The following TYSND1 variants were observed in gnomAD, a reference collection of about 807,000 sequenced individuals.
TYSND1 encodes the protein peroxisomal leader peptide-processing protease.
In TYSND1, 30 loss-of-function variants were observed where a neutral mutation model predicts 37.2. The ratio of observed to expected loss-of-function variants is 0.81; its 90% confidence interval spans 0.60 to 1.09. The LOEUF (loss-of-function observed/expected upper bound fraction) is 1.09, where lower values mean the gene tolerates loss of function less well. Ranked by LOEUF, TYSND1 falls within the 50% of genes least tolerant of loss-of-function variation. TYSND1 has a pLI of 0.00. For synonymous variants in TYSND1, 364 were observed against 383.8 expected (o/e 0.95, Z 0.60); for missense variants, 806 against 817.4 (o/e 0.99, Z 0.17).
intron 3 of TYSND1, among the ~76,000 whole-genome samples, chr10:70,142,463 C>A (rs185411507): frequency 2.6e-5 from 4 of 152,308 alleles, no homozygotes; most frequent in African/African-American, 9.6e-5. Flanking sequence ...AGAGAAGGGA[C>A]CAGAGCCCAG....
Position 70,146,183 on chromosome 10 carries a change from A to G in TYSND1, c.404T>C (p.Leu135Pro). ...PLQPRLPAELLLLLSCPAFWA... is the reference protein window; with the variant it reads ...PLQPRLPAELPLLLSCPAFWA... ...GAAGGCCGGGCAGCTCAGCAGCAGCAGCAGCTCAGCAGGAAGCCGGGGCTG... is the reference window on the plus strand; with the variant it reads ...GAAGGCCGGGCAGCTCAGCAGCAGCGGCAGCTCAGCAGGAAGCCGGGGCTG... The change falls in exon 1 of 4, where the codon CTG (leucine) becomes CCG (proline). Residue 135 changes from leucine (L) to proline (P), a missense_variant. This residue lies in a region of TYSND1 where 708 missense variants were observed against 705.4 expected (regional missense o/e 1.00). Coordinates refer to ENST00000287078, the MANE Select transcript of TYSND1 (RefSeq NM_173555.4). The G allele has an allele frequency of 1.3e-6, 2 of 1,539,384 alleles. No individual in the cohort carries two copies. Among genetic ancestry groups the G allele is most frequent in the Non-Finnish European group, 8.7e-7 (1 of 1,146,864 alleles).
chr10:70,139,101 G>GAAAAAAAA lies in TYSND1; in HGVS notation c.*815_*822dup, dbSNP rs35137616. 9.6e-6 allele frequency: 1 copy of GAAAAAAAA among 103,908 alleles called. No individual in the cohort carries two copies. Among genetic ancestry groups the GAAAAAAAA allele is most frequent in the Non-Finnish European group, 1.9e-5 (1 of 51,358 alleles). 6.4% of individuals were successfully genotyped at this position (103,908 alleles called of 1,614,324 possible). Reference sequence around the variant, plus strand: ...GAGAGAGCAAGACCACAGCTCTAAAGAAAAAAAAAAAAAAAAAAGGAAAGG... The same window carrying GAAAAAAAA: ...GAGAGAGCAAGACCACAGCTCTAAAGAAAAAAAAAAAAAAAAAAAAAAAAAAGGAAAGG... On this transcript the variant is annotated 3_prime_UTR_variant, in exon 4 of 4. Transcript: ENST00000287078.
intron 3 of TYSND1, 81 bp from the exon 4 acceptor site, chr10:70,140,222 C>A: frequency 1.6e-6 from 2 of 1,253,030 alleles, no homozygotes; most frequent in Non-Finnish European, 2.2e-6. Context: ...CATCTCCACC[C>A]TGGAGCCCCC....
At chr10:70,141,513 T>C (rs2072774012) in intron 3 of TYSND1, among the ~76,000 whole-genome samples, 1 of 152,064 alleles carries the variant, frequency 6.6e-6, no homozygotes, top group Non-Finnish European at 1.5e-5. Flanking sequence ...ATGAATGCGG[T>C]TTTTGTCATT....
Position 70,139,977 on chromosome 10 carries a change from C to A in TYSND1, c.1648G>T (p.Val550Leu), listed in dbSNP as rs2072736385. 6.2e-7 allele frequency: 1 copy of A among 1,614,018 alleles called. No individual in the cohort carries two copies. The highest frequency in any genetic ancestry group is 1.3e-5 in the African/African-American group (1 of 74,942). Reference sequence around the variant, plus strand: ...AGGGGCCGCTGCAACCGCCACACCACCCTGACTGGCTCAGCAGCGCGGTCC... The same window carrying A: ...AGGGGCCGCTGCAACCGCCACACCAACCTGACTGGCTCAGCAGCGCGGTCC... ...ELDRAAEPVR[V>L]VWRLQRPLAE... The change falls in exon 4 of 4, where the codon GTG (valine) becomes TTG (leucine). Residue 550 changes from valine to leucine, a missense_variant. Physicochemically the swap from Val to Leu is conservative, Grantham distance 32 (BLOSUM62 1). Coordinates refer to ENST00000287078, the MANE Select transcript of TYSND1 (RefSeq NM_173555.4).
In TYSND1 at chr10:70,139,867, C is replaced by T. The variant is rs2072733188; in HGVS notation, c.*57G>A. On this transcript the variant is annotated 3_prime_UTR_variant, in exon 4 of 4. Transcript: ENST00000287078. ...AATCCTGAGGCCACCGTCACCTCAA[C>T]ATCACTTCCTACAGCAGAAAAAGGT... 58 of 1,540,892 alleles carry T rather than the reference C, an allele frequency of 3.8e-5. 1 individual carries two copies. In the South Asian group the frequency reaches 5.5e-4, roughly 15 times the overall value.
chr10:70,145,898 C>T lies in TYSND1; in HGVS notation c.689G>A (p.Cys230Tyr). Reference protein sequence around the residue: ...LVCGSPFGAFCPDIFLNTLSC... With the variant: ...LVCGSPFGAFYPDIFLNTLSC... ...CAGCGTGTTGAGAAAGATGTCGGGGCAGAAGGCGCCGAAAGGGGAGCCGCA... is the reference window on the plus strand; with the variant it reads ...CAGCGTGTTGAGAAAGATGTCGGGGTAGAAGGCGCCGAAAGGGGAGCCGCA... The change falls in exon 1 of 4, where the codon TGC becomes TAC. Residue 230 changes from cysteine to tyrosine, a missense_variant. By Grantham distance (194) the Cys-to-Tyr change is radical. Around this residue, in one of 3 missense-constraint regions of TYSND1, gnomAD observed 708 missense variants for 705.4 expected, o/e 1.00. Transcript: ENST00000287078. The T allele has an allele frequency of 1.3e-6, 2 of 1,547,918 alleles. No homozygotes were observed. Among genetic ancestry groups the T allele is most frequent in the East Asian group, 2.4e-5 (1 of 40,840 alleles).
intron 3 of TYSND1, among the ~76,000 whole-genome samples, chr10:70,142,364 T>G (rs925584567): frequency 1.3e-5 from 2 of 152,182 alleles, no homozygotes; most frequent in African/African-American, 4.8e-5. Flanking sequence ...TTGCTTTATC[T>G]TTCCAGCCTC....
intron 2 of TYSND1, among the ~76,000 whole-genome samples, chr10:70,143,224 A>G (rs1413654916): frequency 6.6e-6 from 1 of 152,222 alleles, no homozygotes; most frequent in Admixed American, 6.5e-5. Flanking sequence ...CTCTTCGTGA[A>G]AAGAAATGGT....
chr10:70,139,930 C>T lies in TYSND1; in HGVS notation c.1695G>A (p.Lys565=). Residue 565 remains lysine (K), a synonymous_variant, in exon 4 of 4, where the codon AAG becomes AAA. Coordinates refer to ENST00000287078, the MANE Select transcript of TYSND1 (RefSeq NM_173555.4). ...QRPLAEAPRS[K]L is the part of the protein sequence containing the mutation. ...CAAAGGTGGTAACACAGCCTCAGAGCTTGCTCCGCGGGGCCTCTGCCAGGG... is the reference window on the plus strand; with the variant it reads ...CAAAGGTGGTAACACAGCCTCAGAGTTTGCTCCGCGGGGCCTCTGCCAGGG... 1 of 1,612,294 alleles carries T rather than the reference C, an allele frequency of 6.2e-7. No individual in the cohort carries two copies. Among genetic ancestry groups the T allele is most frequent in the Non-Finnish European group, 8.5e-7 (1 of 1,179,372 alleles).
At chr10:70,144,147 T>G (rs561133910) in intron 1 of TYSND1, 175 bp from the exon 2 acceptor site, 4 of 755,996 alleles carry the variant, frequency 5.3e-6, no homozygotes, top group Non-Finnish European at 8.3e-6. Flanking sequence ...CCAAAGGTGG[T>G]TGACAAACTG....
chr10:70,144,678 G>A, intron 1 of TYSND1: 1 of 985,926 alleles, frequency 1.0e-6, no homozygotes. Context: ...TGTGGGGGGA[G>A]TGGAAGGAAT....
rs1285062590 is a variant in TYSND1 at position 70,146,203 on chromosome 10, G to A, written c.384C>T (p.Pro128=). The A allele has an allele frequency of 6.6e-6, 10 of 1,525,064 alleles. No individual in the cohort carries two copies. The highest frequency in any genetic ancestry group is 8.8e-6 in the Non-Finnish European group (10 of 1,141,034). 94.5% of individuals were successfully genotyped at this position (1,525,064 alleles called of 1,614,324 possible). ...PAPSRGRPLQ[P]RLPAELLLLL... is the part of the protein sequence containing the mutation. ...GCAGCAGCAGCTCAGCAGGAAGCCG[G>A]GGCTGCAGGGGACGCCCGCGGGACG... is the stretch of plus-strand genomic sequence containing the variant. Residue 128 remains proline (P), a synonymous_variant, in exon 1 of 4, where the codon CCC becomes CCT. Coordinates refer to ENST00000287078, the MANE Select transcript of TYSND1 (RefSeq NM_173555.4).
At chr10:70,140,488 C>T (rs773927821) in intron 3 of TYSND1, among the ~76,000 whole-genome samples, 3 of 152,022 alleles carry the variant, frequency 2.0e-5, no homozygotes, top group Non-Finnish European at 4.4e-5. Context: ...GCCAAGTAGG[C>T]GCGCAACAAA....
rs748492027 is a variant in TYSND1, at chr10:70,142,825, G to A, written c.1326C>T (p.Gly442=). 1.7e-5 allele frequency: 28 copies of A among 1,613,812 alleles called. No homozygotes were observed. The highest frequency in any genetic ancestry group is 1.2e-4 in the South Asian group (11 of 91,080). Residue 442 remains glycine, a synonymous_variant, in exon 3 of 4, where the codon GGC becomes GGT. Transcript: ENST00000287078. ...EGEAVSVVGF[G]VFGQSCGPSV... ...AGGGCCCGCAAGACTGGCCAAAGACGCCAAAGCCCACCACACTCACAGCCT... is the reference window on the plus strand; with the variant it reads ...AGGGCCCGCAAGACTGGCCAAAGACACCAAAGCCCACCACACTCACAGCCT...
chr10:70,143,354 C>T (rs918028500), intron 2 of TYSND1, among the ~76,000 whole-genome samples: 1 of 152,176 alleles, frequency 6.6e-6, no homozygotes, highest in Non-Finnish European at 1.5e-5. Context: ...TGCATTAGCC[C>T]CATTTCAAAG....
intron 1 of TYSND1, chr10:70,144,555 G>C: frequency 1.0e-6 from 1 of 987,750 alleles, no homozygotes; most frequent in Non-Finnish European, 1.2e-6. Context: ...CTCCCGGGGA[G>C]GCAGCTTAGA....
At chr10:70,144,627 G>A in intron 1 of TYSND1, 6 of 985,922 alleles carry the variant, frequency 6.1e-6, no homozygotes, top group Non-Finnish European at 7.2e-6. Context: ...TGCAGGGGTA[G>A]CTTCCAACAG....
intron 2 of TYSND1, 101 bp downstream of exon 2, chr10:70,143,741 G>T: frequency 2.7e-6 from 4 of 1,468,552 alleles, no homozygotes; most frequent in South Asian, 2.6e-5. Context: ...CTTGACCAAT[G>T]CTACCCTGAC....
Sources: gnomAD v4.1 joint callset for allele counts (sites outside exome capture counted in the v4.1 genomes callset) on GRCh38, gnomAD v4.1.1 for gene constraint, gnomAD v4.1.1 regional missense constraint, MANE v1.5 for transcripts, NCBI Gene and HGNC (gene_info 2026-07-23, HGNC 2026-07-21) for gene names.